The following SOX5 variants were observed in gnomAD, a reference collection of about 807,000 sequenced individuals.
The protein encoded by SOX5 is transcription factor SOX-5.
A neutral mutation model predicts 92.0 loss-of-function variants in SOX5; 9 were observed. The observed-to-expected ratio is 0.10, with a 90% confidence interval of 0.06 to 0.17. The LOEUF is 0.17. Ranked by LOEUF, SOX5 falls within the 10% of genes least tolerant of loss-of-function variation. The pLI is 1.00. For synonymous variants in SOX5, 344 were observed against 336.3 expected (o/e 1.02, Z -0.25); for missense variants, 642 against 944.5 (o/e 0.68, Z 4.20).
intron 1 of SOX5, among the ~76,000 whole-genome samples, chr12:23,918,733 G>C (rs7955204): frequency 1.3e-5 from 2 of 151,844 alleles, no homozygotes; most frequent in African/African-American, 4.8e-5. Flanking sequence ...TGTGGCCAAC[G>C]TGGTGAAACC....
chr12:24,409,297 A>G lies in SOX5; in HGVS notation c.-250-40658T>C, dbSNP rs529896837. On this transcript the variant is annotated intron_variant, in intron 1 of 4. Transcript: ENST00000446891. ...AGTTGAACATTGAGAACACATGGAC[A>G]CAGAGAGGGGAACAATATACACCAC... 2.6e-5 allele frequency among the ~76,000 whole-genome samples: 4 copies of G among 152,272 alleles called. No individual in the cohort carries two copies. In the East Asian group the frequency reaches 7.7e-4, roughly 29 times the overall value.
At chr12:23,753,347 A>T (rs1265331188) in intron 4 of SOX5, among the ~76,000 whole-genome samples, 6 of 151,734 alleles carry the variant, frequency 4.0e-5, no homozygotes, top group African/African-American at 1.2e-4. Flanking sequence ...AAAAGGGCAC[A>T]CACACACGCA....
chr12:23,697,284 T>G (rs991109244), intron 6 of SOX5, among the ~76,000 whole-genome samples: 1 of 152,212 alleles, frequency 6.6e-6, no homozygotes, highest in Non-Finnish European at 1.5e-5. Context: ...TAAGGTCTCT[T>G]GATGAACTGC....
intron 2 of SOX5, among the ~76,000 whole-genome samples, chr12:23,854,375 A>T (rs1368879258): frequency 1.3e-5 from 2 of 152,002 alleles, no homozygotes; most frequent in African/African-American, 4.8e-5. Context: ...AAGAAACTGG[A>T]GGCAGAAGTC....
At chr12:23,945,906 C>A (rs910812653) in intron 1 of SOX5, among the ~76,000 whole-genome samples, 2 of 152,062 alleles carry the variant, frequency 1.3e-5, no homozygotes, top group Admixed American at 1.3e-4. Context: ...TGACTATGGT[C>A]AAACTTTAGG....
intron 4 of SOX5, among the ~76,000 whole-genome samples, chr12:24,142,459 G>T (rs1395199415): frequency 6.6e-6 from 1 of 151,966 alleles, no homozygotes; most frequent in Non-Finnish European, 1.5e-5. Flanking sequence ...TAGAAACATG[G>T]TCTAGTTCCT....
At chr12:24,413,973 T>G (rs976980444) in intron 1 of SOX5, among the ~76,000 whole-genome samples, 7 of 152,230 alleles carry the variant, frequency 4.6e-5, no homozygotes, top group African/African-American at 1.4e-4. Context: ...ATTCCCTGAT[T>G]CATTTTATGA....
chr12:23,861,444 A>G (rs956323001), intron 2 of SOX5, among the ~76,000 whole-genome samples: 1 of 152,146 alleles, frequency 6.6e-6, no homozygotes, highest in African/African-American at 2.4e-5. Context: ...TTTAAGTTAT[A>G]CTAAATCCTA....
chr12:24,377,409 G>T (rs776398035), intron 1 of SOX5, among the ~76,000 whole-genome samples: 3 of 152,090 alleles, frequency 2.0e-5, no homozygotes, highest in Non-Finnish European at 4.4e-5. Flanking sequence ...CAAAATTCTA[G>T]AATCACTGTA....
At chr12:23,616,987 G>A (rs183560571) in intron 8 of SOX5, among the ~76,000 whole-genome samples, 1 of 151,916 alleles carries the variant, frequency 6.6e-6, no homozygotes, top group African/African-American at 2.4e-5. Context: ...AAATTAGCTG[G>A]GCATAATGGC....
chr12:23,777,573 CA>C (rs1387710373), intron 3 of SOX5, among the ~76,000 whole-genome samples: 6 of 152,238 alleles, frequency 3.9e-5, no homozygotes, highest in African/African-American at 1.2e-4. Flanking sequence ...CACATACACA[CA>C]CAATACATAC....
intron 2 of SOX5, among the ~76,000 whole-genome samples, chr12:24,332,283 C>T (rs1290933797): frequency 6.6e-6 from 1 of 152,162 alleles, no homozygotes; most frequent in African/African-American, 2.4e-5. Context: ...TTCAGCAATA[C>T]TGTATGCTAG....
intron 1 of SOX5, among the ~76,000 whole-genome samples, chr12:24,473,520 G>A (rs1945028796): frequency 6.6e-6 from 1 of 152,202 alleles, no homozygotes; most frequent in Admixed American, 6.5e-5. Flanking sequence ...ATCTCCATTT[G>A]TGAAACTTCA....
At chr12:24,122,078 T>C (rs1044215112) in intron 4 of SOX5, among the ~76,000 whole-genome samples, 1 of 152,050 alleles carries the variant, frequency 6.6e-6, no homozygotes, top group Non-Finnish European at 1.5e-5. Flanking sequence ...ACAATTCTGA[T>C]TGAAAAATTA....
In SOX5 at chr12:24,422,926, G is replaced by A. The variant is rs74410407; in HGVS notation, c.-250-54287C>T. On this transcript the variant is annotated intron_variant, in intron 1 of 4. Coordinates refer to the SOX5 transcript ENST00000446891. ...CTCAGGAGGCTGAGGTAGAAGAATC[G>A]CCTGAGTCTGGAAGATCCAGGCTGT... Among the ~76,000 whole-genome samples the A allele has an allele frequency of 3.3e-5, 5 of 152,266 alleles. No homozygotes were observed. The South Asian group carries it at 6.2e-4, about 19-fold the overall frequency.
intron 4 of SOX5, among the ~76,000 whole-genome samples, chr12:23,985,042 G>A (rs901643074): frequency 6.6e-6 from 1 of 152,066 alleles, no homozygotes; most frequent in Non-Finnish European, 1.5e-5. Flanking sequence ...ATGGGTTAGA[G>A]TATTTGAAAT....
intron 4 of SOX5, among the ~76,000 whole-genome samples, chr12:24,076,699 C>CT (rs11302877): frequency 0.048 from 4,917 of 102,896 alleles, 226 homozygotes; most frequent in Non-Finnish European, 0.059. Context: ...CCAAAGCTGC[C>CT]TTTTTTTTTT....
At chr12:24,159,715 T>C (rs1952556578) in intron 4 of SOX5, among the ~76,000 whole-genome samples, 2 of 152,134 alleles carry the variant, frequency 1.3e-5, no homozygotes, top group East Asian at 1.9e-4. Flanking sequence ...GATAATATTC[T>C]GGGATCAGTA....
intron 3 of SOX5, among the ~76,000 whole-genome samples, chr12:24,257,134 C>A (rs751222236): frequency 6.6e-5 from 10 of 152,128 alleles, no homozygotes; most frequent in South Asian, 2.1e-4. Context: ...ATAAATGGAA[C>A]CATGTTTTAA....
Sources: allele counts gnomAD v4.1 joint callset (sites outside exome capture counted in the v4.1 genomes callset), GRCh38; gene constraint gnomAD v4.1.1; transcripts MANE v1.5; gene names NCBI Gene and HGNC (gene_info 2026-07-23, HGNC 2026-07-21).